Variants in ZFHX3 observed in about 807,000 individuals in gnomAD.
ZFHX3 encodes zinc finger homeobox protein 3.
A neutral mutation model predicts 279.1 loss-of-function variants in ZFHX3; 42 were observed. The ratio of observed to expected loss-of-function variants is 0.15; its 90% CI spans 0.12 to 0.19. The LOEUF (loss-of-function observed/expected upper bound fraction) is 0.19, where lower values mean the gene tolerates loss of function less well. Among genes scored for constraint, ZFHX3 ranks in the 10% least tolerant of loss-of-function variants. ZFHX3 has a pLI of 1.00. For missense variants in ZFHX3, 4,981 were observed against 4,754.0 expected (o/e 1.05, Z -1.40); for synonymous variants, 2,293 against 1,957.8 (o/e 1.17, Z -4.52).
intron 3 of ZFHX3, among the ~76,000 whole-genome samples, chr16:73,405,599 T>G (rs72799457): frequency 0.15 from 22,095 of 152,170 alleles, 2,001 homozygotes; most frequent in Middle Eastern, 0.28. Flanking sequence ...TTTGTTTTTT[T>G]TTTTTAAGAA....
intron 2 of ZFHX3, among the ~76,000 whole-genome samples, chr16:73,531,974 G>C (rs568330761): frequency 2.0e-5 from 3 of 151,814 alleles, no homozygotes; most frequent in Non-Finnish European, 4.4e-5. Flanking sequence ...TGTAATCCCA[G>C]CTACTTGGAA....
intron 3 of ZFHX3, among the ~76,000 whole-genome samples, chr16:73,382,047 C>T (rs2016826149): frequency 6.6e-6 from 1 of 152,202 alleles, no homozygotes; most frequent in Admixed American, 6.5e-5. Context: ...ACACAGGCAG[C>T]TGGCCTGTGG....
intron 8 of ZFHX3, among the ~76,000 whole-genome samples, chr16:73,079,549 G>C (rs993609529): frequency 6.6e-6 from 1 of 151,992 alleles, no homozygotes; most frequent in Non-Finnish European, 1.5e-5. Context: ...ATGTGGCCCA[G>C]GCTGTTCTTC....
At chr16:73,623,270 T>C (rs1597033272) in intron 2 of ZFHX3, among the ~76,000 whole-genome samples, 2 of 152,092 alleles carry the variant, frequency 1.3e-5, no homozygotes. Context: ...TCTCCTGACC[T>C]CGTGATCCGC....
chr16:73,364,175 CAAA>C (rs11301710), intron 3 of ZFHX3, among the ~76,000 whole-genome samples: 5 of 142,272 alleles, frequency 3.5e-5, no homozygotes, highest in Admixed American at 1.4e-4. Context: ...GACCCTGTTT[CAAA>C]AAAAAAAAAA....
At chr16:73,704,248 G>A (rs1479086073) in intron 1 of ZFHX3, among the ~76,000 whole-genome samples, 2 of 152,124 alleles carry the variant, frequency 1.3e-5, no homozygotes, top group Non-Finnish European at 2.9e-5. Flanking sequence ...CCGTTATTAA[G>A]TGACTTTCTC....
chr16:73,300,160 T>C (rs893217386), intron 4 of ZFHX3, among the ~76,000 whole-genome samples: 2 of 151,466 alleles, frequency 1.3e-5, no homozygotes, highest in African/African-American at 4.9e-5. Flanking sequence ...CTCAGGAGAC[T>C]GAGGCTTGAG....
intron 1 of ZFHX3, among the ~76,000 whole-genome samples, chr16:73,844,852 G>A (rs1203845371): frequency 6.9e-6 from 1 of 144,382 alleles, no homozygotes; most frequent in South Asian, 2.1e-4. Flanking sequence ...ATTGATAGAT[G>A]GATAGGTAGG....
intron 5 of ZFHX3, among the ~76,000 whole-genome samples, chr16:73,176,351 G>A (rs966468031): frequency 1.3e-5 from 2 of 152,168 alleles, no homozygotes; most frequent in Non-Finnish European, 2.9e-5. Context: ...ATCTTACAGT[G>A]CTACCTGAAA....
intron 1 of ZFHX3, among the ~76,000 whole-genome samples, chr16:73,805,189 A>G (rs1960246070): frequency 6.6e-6 from 1 of 151,854 alleles, no homozygotes; most frequent in Non-Finnish European, 1.5e-5. Flanking sequence ...ATTTTTTGAG[A>G]TGGAGTCTCA....
chr16:72,975,770 C>G (rs748206712), intron 1 of ZFHX3, among the ~76,000 whole-genome samples: 2 of 152,098 alleles, frequency 1.3e-5, no homozygotes, highest in Admixed American at 1.3e-4. Context: ...ATAATTACAC[C>G]CTCACCAACT....
chr16:73,095,986 G>A (rs1054451541), intron 7 of ZFHX3, among the ~76,000 whole-genome samples: 1 of 152,154 alleles, frequency 6.6e-6, no homozygotes, highest in African/African-American at 2.4e-5. Flanking sequence ...CTGAATAAAA[G>A]CACAGGAAAA....
chr16:73,070,749 C>T (rs1044594128), intron 8 of ZFHX3, among the ~76,000 whole-genome samples: 2 of 151,994 alleles, frequency 1.3e-5, no homozygotes, highest in Non-Finnish European at 2.9e-5. Flanking sequence ...GAGCCTCCCT[C>T]CCTCCCCAGG....
chr16:73,603,744 T>C (rs897155678), intron 2 of ZFHX3, among the ~76,000 whole-genome samples: 6 of 149,946 alleles, frequency 4.0e-5, no homozygotes, highest in African/African-American at 1.5e-4. Flanking sequence ...TCAATATGCT[T>C]GTTAAAAATA....
intron 3 of ZFHX3, among the ~76,000 whole-genome samples, chr16:73,388,339 C>G (rs1024799945): frequency 2.0e-5 from 3 of 152,138 alleles, no homozygotes. Context: ...AGAAAGTGGT[C>G]AGACAGCACC....
At chr16:73,847,774 A>G (rs1401836487) in intron 1 of ZFHX3, among the ~76,000 whole-genome samples, 1 of 151,846 alleles carries the variant, frequency 6.6e-6, no homozygotes, top group Non-Finnish European at 1.5e-5. Context: ...GTCTCCCTCT[A>G]TTGCCCAGGG....
At chr16:73,631,522 GACA>G (rs1361102849) in intron 2 of ZFHX3, among the ~76,000 whole-genome samples, 8 of 152,104 alleles carry the variant, frequency 5.3e-5, no homozygotes, top group Non-Finnish European at 1.2e-4. Flanking sequence ...GGGGTTAGAT[GACA>G]ACAAGAAGTC....
At chr16:73,474,968 A>T (rs1324006492) in intron 2 of ZFHX3, among the ~76,000 whole-genome samples, 3 of 152,182 alleles carry the variant, frequency 2.0e-5, no homozygotes, top group Admixed American at 2.0e-4. Context: ...AATTGCCACC[A>T]GAGGGACCCT....
In ZFHX3 at chr16:72,958,433, G is replaced by A. The variant is rs1961374011; in HGVS notation, c.1713C>T (p.Ser571=). Residue 571 remains serine (S), a synonymous_variant, in exon 2 of 10, where the codon AGC becomes AGT. Coordinates refer to ENST00000268489, the MANE Select transcript of ZFHX3 (RefSeq NM_006885.4). ...TGGCCCTGACGCCCTCACTGTTAAA[G>A]CTTAAACGATTCCTCCTGTTCGCAC... The part of the protein sequence containing the change: ...FDGANRRNRL[S]FNSEGVRANV... 1.2e-6 allele frequency: 2 copies of A among 1,614,198 alleles called. No homozygotes were observed. The highest frequency in any genetic ancestry group is 1.7e-6 in the Non-Finnish European group (2 of 1,180,036).
Sources: gnomAD v4.1 joint callset for allele counts (sites outside exome capture counted in the v4.1 genomes callset) on GRCh38, gnomAD v4.1.1 for gene constraint, MANE v1.5 for transcripts, NCBI Gene and HGNC (gene_info 2026-07-23, HGNC 2026-07-21) for gene names.